Variants in PHACTR2 observed in about 807,000 individuals in gnomAD.
PHACTR2 encodes the protein chromosome 6 open reading frame 56.
Under a neutral mutation model 76.0 loss-of-function variants are expected in PHACTR2, and 30 were observed. That is an observed-to-expected ratio of 0.39 (90% confidence interval 0.30 to 0.54). PHACTR2 has a LOEUF of 0.54. PHACTR2 is among the 20% of genes least tolerant of loss of function. PHACTR2 has a pLI of 0.61. For synonymous variants in PHACTR2, 292 were observed against 292.5 expected (o/e 1.00, Z 0.02); for missense variants, 696 against 781.1 (o/e 0.89, Z 1.30).
chr6:143,576,847 G>T (rs1240342672), intron 1 of PHACTR2, among the ~76,000 whole-genome samples: 1 of 130,540 alleles, frequency 7.7e-6, no homozygotes, highest in Non-Finnish European at 1.5e-5. Context: ...CTACACTCCA[G>T]CCTGGGTGAC....
rs1776339711 is a variant in PHACTR2, at chr6:143,818,069, C to T, written c.1923-5605C>T. Reference sequence around the variant, plus strand: ...TAGTTTGATCATTACACATTTTATGCCATCAAAATATCACTCTGTACCCCA... The same window carrying T: ...TAGTTTGATCATTACACATTTTATGTCATCAAAATATCACTCTGTACCCCA... On this transcript the variant is annotated intron_variant, in intron 12 of 12. Transcript: ENST00000440869. This position sits in a 1 kb window ranked among gnomAD's most constrained non-coding sequence, Gnocchi z 4.9. Among the ~76,000 whole-genome samples the T allele has an allele frequency of 6.6e-6, 1 of 151,898 alleles. No individual in the cohort carries two copies. The highest frequency in any genetic ancestry group is 1.5e-5 in the Non-Finnish European group (1 of 67,948).
rs1775944856 is a variant in PHACTR2, at chr6:143,801,102, A to G, written c.1846-5955A>G. Reference sequence around the variant, plus strand: ...ATGGCTTCCCTTTGTGGTTAACCCAACCTTTCTCTCTGGCTGCCCTTAACA... The same window carrying G: ...ATGGCTTCCCTTTGTGGTTAACCCAGCCTTTCTCTCTGGCTGCCCTTAACA... On this transcript the variant is annotated intron_variant, in intron 11 of 12. Coordinates refer to ENST00000440869, the MANE Select transcript of PHACTR2 (RefSeq NM_001100164.2). This position sits in a 1 kb window ranked among gnomAD's most constrained non-coding sequence, Gnocchi z 4.6. 6.6e-6 allele frequency among the ~76,000 whole-genome samples: 1 copy of G among 151,950 alleles called. No homozygotes were observed. Among genetic ancestry groups the G allele is most frequent in the Admixed American group, 6.6e-5 (1 of 15,260 alleles).
intron 1 of PHACTR2, among the ~76,000 whole-genome samples, chr6:143,636,913 T>G (rs1776464837): frequency 6.6e-6 from 1 of 152,232 alleles, no homozygotes; most frequent in South Asian, 2.1e-4. Flanking sequence ...TGAATATAAT[T>G]CTAGCTGAAA....
intron 1 of PHACTR2, among the ~76,000 whole-genome samples, chr6:143,632,868 T>C (rs1237082216): frequency 2.0e-5 from 3 of 152,234 alleles, no homozygotes; most frequent in Non-Finnish European, 4.4e-5. Context: ...TATATAACCT[T>C]TTCAGATTGG....
chr6:143,647,565 G>C lies in PHACTR2; in HGVS notation c.13+39243G>C, dbSNP rs1413427798. Among the ~76,000 whole-genome samples the C allele has an allele frequency of 1.3e-5, 2 of 152,234 alleles. No individual in the cohort carries two copies. Among genetic ancestry groups the C allele is most frequent in the Non-Finnish European group, 2.9e-5 (2 of 68,044 alleles). On this transcript the variant is annotated intron_variant, in intron 1 of 11. Coordinates refer to the PHACTR2 transcript ENST00000305766. This position sits in a 1 kb window ranked among gnomAD's most constrained non-coding sequence, Gnocchi z 4.2. The stretch of plus-strand genomic sequence containing the variant: ...ATTTCTCAGTGCTTAATTTAGTTAA[G>C]TGAGATGGGGGCGGGAAAGAAGAGA...
chr6:143,595,660 AACAGAGTCCT>A lies in PHACTR2; in HGVS notation c.217+58457_217+58466del, dbSNP rs1234757869. 6.6e-6 allele frequency among the ~76,000 whole-genome samples: 1 copy of A among 152,206 alleles called. No individual in the cohort carries two copies. Among genetic ancestry groups the A allele is most frequent in the Non-Finnish European group, 1.5e-5 (1 of 68,034 alleles). Reference sequence around the variant, plus strand: ...TAAAATTGTATCCAAATTTCAAGGGAACAGAGTCCTACATTAGTTCCAGTACCCAGCCCTC... The same window carrying A: ...TAAAATTGTATCCAAATTTCAAGGGAACATTAGTTCCAGTACCCAGCCCTC... On this transcript the variant is annotated intron_variant, in intron 1 of 11. Coordinates refer to the PHACTR2 transcript ENST00000367584. This position sits in a 1 kb window ranked among gnomAD's most constrained non-coding sequence, Gnocchi z 4.2.
rs1167621098 is a variant in PHACTR2 at position 143,541,946 on chromosome 6, C to T, written c.217+4739C>T. Among the ~76,000 whole-genome samples the T allele has an allele frequency of 6.6e-6, 1 of 152,234 alleles. No individual in the cohort carries two copies. Among genetic ancestry groups the T allele is most frequent in the Non-Finnish European group, 1.5e-5 (1 of 68,042 alleles). On this transcript the variant is annotated intron_variant, in intron 1 of 11. Transcript: ENST00000367584. This position sits in a 1 kb window ranked among gnomAD's most constrained non-coding sequence, Gnocchi z 5.3. Reference sequence around the variant, plus strand: ...GTCCCAAGAGGCTTCTGAGCCCCAGCCACGAGCTAAGCTGGAGGTGCCCTA... The same window carrying T: ...GTCCCAAGAGGCTTCTGAGCCCCAGTCACGAGCTAAGCTGGAGGTGCCCTA...
rs886222968 is a variant in PHACTR2 at position 143,709,237 on chromosome 6, C to T, written c.47-2779C>T. Among the ~76,000 whole-genome samples, 4 of 152,194 alleles carry T rather than the reference C, an allele frequency of 2.6e-5. No individual in the cohort carries two copies. The highest frequency in any genetic ancestry group is 4.4e-5 in the Non-Finnish European group (3 of 68,032). ...CTATGGCTGAAAGTAGGGTTAGGAA[C>T]CACTTTCAGAAGAATCAGTTAGCGT... is the stretch of plus-strand genomic sequence containing the variant. On this transcript the variant is annotated intron_variant, in intron 1 of 12. Transcript: ENST00000440869. The surrounding 1 kb of genome is among the most constrained non-coding windows in gnomAD (Gnocchi z 4.4).
At chr6:143,635,610 C>T (rs1322356761) in intron 1 of PHACTR2, among the ~76,000 whole-genome samples, 2 of 152,116 alleles carry the variant, frequency 1.3e-5, no homozygotes, top group East Asian at 3.8e-4. Context: ...TTTGGCAACC[C>T]AATAGGTGAA....
At chr6:143,804,998 A>T (rs1304887085) in intron 11 of PHACTR2, among the ~76,000 whole-genome samples, 2 of 152,164 alleles carry the variant, frequency 1.3e-5, no homozygotes, top group Non-Finnish European at 2.9e-5. Context: ...CCAGATAAGA[A>T]AATTGGGGTT....
At chr6:143,655,713 T>C (rs1234770773) in intron 1 of PHACTR2, among the ~76,000 whole-genome samples, 1 of 152,226 alleles carries the variant, frequency 6.6e-6, no homozygotes, top group African/African-American at 2.4e-5. Context: ...GTGTTTGCAT[T>C]TATGATTTAC....
At position 143,806,926 on chromosome 6, in the gene PHACTR2, C is replaced by G; in HGVS notation, c.1846-131C>G. 1.9e-6 allele frequency: 1 copy of G among 527,562 alleles called. No homozygotes were observed. Among genetic ancestry groups the G allele is most frequent in the South Asian group, 2.7e-5 (1 of 37,546 alleles). 32.7% of individuals were successfully genotyped at this position (527,562 alleles called of 1,614,324 possible). ...GAGCCATGATCTCGCCACTCCACTCCAGCTTGGATGACAGAGCGAGACTCT... is the reference window on the plus strand; with the variant it reads ...GAGCCATGATCTCGCCACTCCACTCGAGCTTGGATGACAGAGCGAGACTCT... On this transcript the variant is annotated intron_variant, in intron 11 of 12. Transcript: ENST00000440869. The surrounding 1 kb of genome is among the most constrained non-coding windows in gnomAD (Gnocchi z 5.8).
chr6:143,566,311 T>C (rs1775361738), intron 1 of PHACTR2, among the ~76,000 whole-genome samples: 1 of 152,004 alleles, frequency 6.6e-6, no homozygotes, highest in African/African-American at 2.4e-5. Flanking sequence ...TATTTTTTTT[T>C]AGAGACAGGG....
Position 143,803,568 on chromosome 6 carries a change from A to G in PHACTR2, c.1846-3489A>G, listed in dbSNP as rs1776007255. Reference sequence around the variant, plus strand: ...GTCTCAAATAAATAAAAATAAATAAATGAATATAAAAACTGTTCTTGGAGT... The same window carrying G: ...GTCTCAAATAAATAAAAATAAATAAGTGAATATAAAAACTGTTCTTGGAGT... On this transcript the variant is annotated intron_variant, in intron 11 of 12. Coordinates refer to ENST00000440869, the MANE Select transcript of PHACTR2 (RefSeq NM_001100164.2). This position sits in a 1 kb window ranked among gnomAD's most constrained non-coding sequence, Gnocchi z 4.7. Among the ~76,000 whole-genome samples the G allele has an allele frequency of 6.6e-6, 1 of 152,188 alleles. No homozygotes were observed. The highest frequency in any genetic ancestry group is 1.5e-5 in the Non-Finnish European group (1 of 68,046).
intron 1 of PHACTR2, among the ~76,000 whole-genome samples, chr6:143,540,831 C>A (rs1285030891): frequency 6.6e-6 from 1 of 152,170 alleles, no homozygotes; most frequent in Non-Finnish European, 1.5e-5. Context: ...TGAATAAACT[C>A]TTTTATTATG....
rs553181172 is a variant in PHACTR2, at chr6:143,572,425, T to C, written c.217+35218T>C. 5.3e-5 allele frequency among the ~76,000 whole-genome samples: 8 copies of C among 152,370 alleles called. 1 individual carries two copies. Among genetic ancestry groups the C allele is most frequent in the African/African-American group, 1.9e-4 (8 of 41,590 alleles). On this transcript the variant is annotated intron_variant, in intron 1 of 11. Coordinates refer to the PHACTR2 transcript ENST00000367584. ...ATGCCTCCATCAAATATATCCCAAC[T>C]ATATATTTTTTCAAAATAGAATGTG... is the stretch of plus-strand genomic sequence containing the variant.
Position 143,656,058 on chromosome 6 carries a change from A to C in PHACTR2, c.13+47736A>C, listed in dbSNP as rs1776844473. 6.6e-6 allele frequency among the ~76,000 whole-genome samples: 1 copy of C among 152,222 alleles called. No homozygotes were observed. Among genetic ancestry groups the C allele is most frequent in the Admixed American group, 6.5e-5 (1 of 15,280 alleles). On this transcript the variant is annotated intron_variant, in intron 1 of 11. Transcript: ENST00000305766. The surrounding 1 kb of genome is among the most constrained non-coding windows in gnomAD (Gnocchi z 5.3). ...AGGTGATTACCGGGGGAAATATTTAAAAGAAGCATCAGTGGAGGGAAGGGT... is the reference window on the plus strand; with the variant it reads ...AGGTGATTACCGGGGGAAATATTTACAAGAAGCATCAGTGGAGGGAAGGGT...
chr6:143,677,128 A>G (rs897056987), upstream of PHACTR2, among the ~76,000 whole-genome samples: 1 of 152,182 alleles, frequency 6.6e-6, no homozygotes, highest in Non-Finnish European at 1.5e-5. Flanking sequence ...AGACATCTCA[A>G]TGAATTTTCA....
chr6:143,609,058 C>T (rs79973343), intron 1 of PHACTR2, among the ~76,000 whole-genome samples: 2 of 152,238 alleles, frequency 1.3e-5, no homozygotes, highest in East Asian at 3.9e-4. Flanking sequence ...GCAGAATTCT[C>T]CCAGCTGTGT....
Sources: gnomAD v4.1 joint callset for allele counts (sites outside exome capture counted in the v4.1 genomes callset) on GRCh38, gnomAD v4.1.1 for gene constraint, Gnocchi (gnomAD v3.1) non-coding constraint, MANE v1.5 for transcripts, NCBI Gene and HGNC (gene_info 2026-07-23, HGNC 2026-07-21) for gene names.